The following COL11A1 variants were observed in gnomAD, a reference collection of about 807,000 sequenced individuals.
COL11A1 encodes the protein collagen alpha-1(XI) chain.
A neutral mutation model predicts 265.2 loss-of-function variants in COL11A1; 74 were observed. The observed-to-expected ratio is 0.28, with a 90% confidence interval of 0.23 to 0.34. COL11A1 has a LOEUF of 0.34. COL11A1 is among the 10% of genes least tolerant of loss of function. The pLI is 1.00. For synonymous variants in COL11A1, 816 were observed against 727.6 expected (o/e 1.12, Z -1.96); for missense variants, 2,165 against 2,263.6 (o/e 0.96, Z 0.88).
rs181783915 is a variant in COL11A1, at chr1:103,033,879, C to T, written c.652-2635G>A. Among the ~76,000 whole-genome samples the T allele has an allele frequency of 1.0e-3, 153 of 152,164 alleles. 1 individual carries two copies. Among genetic ancestry groups the T allele is most frequent in the South Asian group, 2.1e-4 (1 of 4,830 alleles). ...GAAATCCTGGACTCCAGCTATCTTC[C>T]GACTTCAGCCTCCTAATTAGCTGGG... On this transcript the variant is annotated intron_variant, in intron 4 of 66. Transcript: ENST00000370096.
chr1:102,953,590 T>C (rs899585423), intron 41 of COL11A1, among the ~76,000 whole-genome samples: 13 of 152,326 alleles, frequency 8.5e-5, no homozygotes, highest in East Asian at 5.8e-4. Flanking sequence ...AAAGTATAAA[T>C]GTAATAGATG....
chr1:102,951,217 A>AC (rs1446070727), intron 41 of COL11A1, among the ~76,000 whole-genome samples: 35 of 152,054 alleles, frequency 2.3e-4, no homozygotes, highest in African/African-American at 8.5e-4. Flanking sequence ...TTCTTATAGA[A>AC]CCTTGGTTTT....
intron 46 of COL11A1, among the ~76,000 whole-genome samples, chr1:102,928,567 G>C (rs1475865148): frequency 6.6e-6 from 1 of 152,114 alleles, no homozygotes; most frequent in Non-Finnish European, 1.5e-5. Flanking sequence ...ACATACGTGT[G>C]CATGTACAGC....
At chr1:102,962,141 A>G (rs759282020) in intron 40 of COL11A1, 35 bp downstream of exon 40, 1 of 1,514,346 alleles carries the variant, frequency 6.6e-7, no homozygotes, top group South Asian at 1.1e-5. Context: ...AACAATTGGA[A>G]TCACTTGCTT....
chr1:103,071,091 T>C (rs1488237530), intron 4 of COL11A1, among the ~76,000 whole-genome samples: 1 of 151,972 alleles, frequency 6.6e-6, no homozygotes, highest in Non-Finnish European at 1.5e-5. Context: ...TCTGAGGAGT[T>C]TAAAAAAATG....
intron 46 of COL11A1, among the ~76,000 whole-genome samples, chr1:102,929,034 T>C (rs2101133453): frequency 7.0e-6 from 1 of 143,276 alleles, no homozygotes; most frequent in South Asian, 2.4e-4. Flanking sequence ...TCTCCCATTT[T>C]GTAGGTTGCC....
intron 54 of COL11A1, among the ~76,000 whole-genome samples, chr1:102,899,446 A>AT (rs1652897351): frequency 6.6e-6 from 1 of 152,174 alleles, no homozygotes. Context: ...ACAGGATCAC[A>AT]TAACAACTAA....
chr1:103,070,942 G>C (rs75831901), intron 4 of COL11A1, among the ~76,000 whole-genome samples: 5,700 of 151,968 alleles, frequency 0.038, 122 homozygotes, highest in Middle Eastern at 0.092. Context: ...GATGGCTTTA[G>C]TATTGGCCAT....
chr1:102,890,568 A>G (rs1651640375), intron 57 of COL11A1, 64 bp from the exon 58 acceptor site: 4 of 1,349,170 alleles, frequency 3.0e-6, no homozygotes, highest in Non-Finnish European at 4.1e-6. Context: ...AGAGAATCCT[A>G]TAACTAGTCA....
intron 33 of COL11A1, 59 bp from the exon 34 acceptor site, chr1:102,978,972 A>T (rs1252668888): frequency 1.2e-6 from 2 of 1,609,980 alleles, no homozygotes; most frequent in Non-Finnish European, 1.7e-6. Context: ...AAAGACACTA[A>T]ATCAATTTTT....
At chr1:103,046,200 T>G (rs1462757826) in intron 4 of COL11A1, among the ~76,000 whole-genome samples, 1 of 147,646 alleles carries the variant, frequency 6.8e-6, no homozygotes, top group Non-Finnish European at 1.5e-5. Context: ...CCACACTGAC[T>G]TCCACAATGG....
intron 1 of COL11A1, among the ~76,000 whole-genome samples, chr1:103,086,721 G>C (rs899840537): frequency 1.3e-5 from 2 of 151,868 alleles, no homozygotes; most frequent in African/African-American, 4.8e-5. Context: ...CGGCAACAAC[G>C]TATCTTTTAA....
chr1:103,002,605 T>A, intron 22 of COL11A1, 124 bp from the exon 23 acceptor site: 1 of 1,111,616 alleles, frequency 9.0e-7, no homozygotes, highest in South Asian at 1.3e-5. Flanking sequence ...TTCTGGAAAA[T>A]ATTTCAAAAT....
At chr1:103,002,901 A>G (rs1414335626) in intron 21 of COL11A1, 110 bp from the exon 22 acceptor site, 6 of 1,053,770 alleles carry the variant, frequency 5.7e-6, no homozygotes, top group Admixed American at 2.0e-5. Flanking sequence ...GCAACTAAAA[A>G]TCATTTTAGG....
At chr1:102,989,176 AAC>A (rs1663870699) in intron 29 of COL11A1, among the ~76,000 whole-genome samples, 1 of 152,002 alleles carries the variant, frequency 6.6e-6, no homozygotes, top group African/African-American at 2.4e-5. Context: ...ATTTAGAGCA[AAC>A]TTATCAAATT....
intron 23 of COL11A1, 100 bp from the exon 24 acceptor site, chr1:103,002,069 T>C (rs532644591): frequency 4.7e-5 from 45 of 962,796 alleles, no homozygotes; most frequent in African/African-American, 4.4e-4. Context: ...CAGTGAGTTA[T>C]AAGAATCTGT....
At chr1:102,912,718 G>C (rs1003932550) in intron 53 of COL11A1, among the ~76,000 whole-genome samples, 2 of 152,036 alleles carry the variant, frequency 1.3e-5, no homozygotes, top group African/African-American at 4.8e-5. Flanking sequence ...ATCCTGAGAG[G>C]GACCCAGTGG....
At chr1:102,956,473 C>T (rs1393525150) in intron 41 of COL11A1, among the ~76,000 whole-genome samples, 1 of 152,016 alleles carries the variant, frequency 6.6e-6, no homozygotes, top group Non-Finnish European at 1.5e-5. Context: ...AGACTTATAG[C>T]AGCTTAAATA....
chr1:103,006,693 A>G (rs983485587), intron 15 of COL11A1, among the ~76,000 whole-genome samples: 3 of 151,630 alleles, frequency 2.0e-5, no homozygotes, highest in African/African-American at 7.3e-5. Context: ...GCCCGCCACT[A>G]TGCCCGGCTA....
Sources: gnomAD v4.1 joint callset for allele counts (sites outside exome capture counted in the v4.1 genomes callset) on GRCh38, gnomAD v4.1.1 for gene constraint, MANE v1.5 for transcripts, NCBI Gene and HGNC (gene_info 2026-07-23, HGNC 2026-07-21) for gene names.